CTNNA3: variants seen among roughly 807,000 people sequenced by gnomAD.
CTNNA3 encodes the protein catenin alpha 3, also known as catenin alpha-3.
A neutral mutation model predicts 95.7 loss-of-function variants in CTNNA3; 76 were observed. That is an observed-to-expected ratio of 0.79 (90% confidence interval 0.66 to 0.96). The LOEUF is 0.96. Ranked by LOEUF, CTNNA3 falls within the 40% of genes least tolerant of loss-of-function variation. The probability of loss-of-function intolerance (pLI) is 0.00; values close to 1 mark genes in which losing one functional copy is unlikely to be tolerated. For synonymous variants in CTNNA3, 431 were observed against 374.4 expected, an observed-to-expected ratio of 1.15 and a Z score of -1.74; for missense variants, 1,191 against 1,089.8, an observed-to-expected ratio of 1.09 and a Z score of -1.31.
intron 13 of CTNNA3, among the ~76,000 whole-genome samples, chr10:66,110,847 CT>C (rs2082095848): frequency 6.6e-6 from 1 of 152,050 alleles, no homozygotes; most frequent in South Asian, 2.1e-4. Context: ...TTAAACAAAC[CT>C]AGATGGTATA....
chr10:67,440,124 C>T (rs937421674), intron 5 of CTNNA3, among the ~76,000 whole-genome samples: 5 of 152,120 alleles, frequency 3.3e-5, no homozygotes, highest in Admixed American at 1.3e-4. Context: ...AGGGTGACTT[C>T]CAGGCCTGGC....
intron 7 of CTNNA3, among the ~76,000 whole-genome samples, chr10:67,002,847 A>C (rs1429273561): frequency 6.6e-6 from 1 of 152,176 alleles, no homozygotes; most frequent in East Asian, 1.9e-4. Flanking sequence ...CATATAAATA[A>C]AAAACAATTT....
chr10:66,082,477 G>C (rs889329507), intron 14 of CTNNA3, among the ~76,000 whole-genome samples: 1 of 152,018 alleles, frequency 6.6e-6, no homozygotes, highest in Non-Finnish European at 1.5e-5. Flanking sequence ...ACTCTAGAGG[G>C]GACTAGGAGA....
rs576193755 is a variant in CTNNA3 at position 67,192,248 on chromosome 10, ATCT to A, written c.844-11731_844-11729del. 2.5e-4 allele frequency among the ~76,000 whole-genome samples: 38 copies of A among 152,100 alleles called. No homozygotes were observed. The South Asian group carries it at 5.2e-3, about 21-fold the overall frequency. On this transcript the variant is annotated intron_variant, in intron 6 of 17. Transcript: ENST00000433211. ...GATTTAAGTGGGACTACTTATAAAA[ATCT>A]TCTTCTTCTGCAAAAAATCTTCTGC...
chr10:66,503,430 C>G (rs113075470), intron 11 of CTNNA3, among the ~76,000 whole-genome samples: 1 of 151,938 alleles, frequency 6.6e-6, no homozygotes, highest in African/African-American at 2.4e-5. Context: ...TAGGAAATGA[C>G]AGAATTATCT....
chr10:67,199,802 T>C (rs986478540), intron 6 of CTNNA3, among the ~76,000 whole-genome samples: 1 of 152,162 alleles, frequency 6.6e-6, no homozygotes, highest in African/African-American at 2.4e-5. Flanking sequence ...AACTAGACTA[T>C]TTTTCAAGTA....
chr10:66,072,796 T>A (rs2080468809), intron 14 of CTNNA3, among the ~76,000 whole-genome samples: 1 of 152,176 alleles, frequency 6.6e-6, no homozygotes, highest in African/African-American at 2.4e-5. Context: ...CTGACCCTTT[T>A]AACTTTCTTC....
chr10:66,064,950 A>G (rs992633066), intron 15 of CTNNA3, among the ~76,000 whole-genome samples: 1 of 152,178 alleles, frequency 6.6e-6, no homozygotes, highest in South Asian at 2.1e-4. Flanking sequence ...ATGCTGTTAT[A>G]AATTCTGGGT....
intron 1 of CTNNA3, among the ~76,000 whole-genome samples, chr10:67,665,069 CATT>C (rs574952403): frequency 5.3e-5 from 8 of 152,296 alleles, no homozygotes; most frequent in African/African-American, 1.7e-4. Context: ...GTTACTCAAT[CATT>C]ATAGTAATAG....
intron 15 of CTNNA3, among the ~76,000 whole-genome samples, chr10:65,997,385 G>T (rs1447965845): frequency 6.6e-6 from 1 of 152,146 alleles, no homozygotes; most frequent in Non-Finnish European, 1.5e-5. Flanking sequence ...AAAATCTGGT[G>T]CTGCACACTG....
intron 7 of CTNNA3, among the ~76,000 whole-genome samples, chr10:66,912,415 T>C (rs182474693): frequency 2.0e-5 from 3 of 152,306 alleles, no homozygotes; most frequent in African/African-American, 7.2e-5. Flanking sequence ...TTGTTTCTTT[T>C]AAAAGTTTAC....
intron 5 of CTNNA3, among the ~76,000 whole-genome samples, chr10:67,339,031 T>C (rs1842088135): frequency 6.6e-6 from 1 of 152,176 alleles, no homozygotes; most frequent in Admixed American, 6.6e-5. Flanking sequence ...TTGACCAATA[T>C]TTCTCTTCTA....
intron 7 of CTNNA3, among the ~76,000 whole-genome samples, chr10:67,102,508 G>A (rs946568527): frequency 4.6e-5 from 7 of 151,658 alleles, no homozygotes; most frequent in Non-Finnish European, 1.0e-4. Flanking sequence ...ATTCTATGAA[G>A]GACAGTGATC....
intron 12 of CTNNA3, among the ~76,000 whole-genome samples, chr10:66,338,955 T>A (rs1393233302): frequency 6.6e-6 from 1 of 151,868 alleles, no homozygotes; most frequent in Non-Finnish European, 1.5e-5. Context: ...CTAAATTCTT[T>A]AAGAAAAATA....
chr10:67,149,712 A>G (rs913724132), intron 7 of CTNNA3, among the ~76,000 whole-genome samples: 3 of 152,222 alleles, frequency 2.0e-5, no homozygotes, highest in Admixed American at 2.0e-4. Flanking sequence ...GCTAGAGTCT[A>G]GAAGTTCTCT....
chr10:66,024,835 G>A (rs1328042330), intron 15 of CTNNA3, among the ~76,000 whole-genome samples: 1 of 152,184 alleles, frequency 6.6e-6, no homozygotes, highest in Non-Finnish European at 1.5e-5. Context: ...TTAAGAATCA[G>A]TGATACAGAG....
intron 7 of CTNNA3, among the ~76,000 whole-genome samples, chr10:66,948,742 T>G (rs1848396547): frequency 6.6e-6 from 1 of 152,170 alleles, no homozygotes; most frequent in Admixed American, 6.5e-5. Flanking sequence ...TAACAATCTG[T>G]TATTTGCTCC....
intron 2 of CTNNA3, among the ~76,000 whole-genome samples, chr10:67,626,816 C>A (rs1000237265): frequency 3.1e-4 from 47 of 152,210 alleles, no homozygotes; most frequent in African/African-American, 1.1e-3. Flanking sequence ...TGCATATTAT[C>A]TACATGATAT....
chr10:66,767,887 C>T lies in CTNNA3; in HGVS notation c.1129-1471G>A, dbSNP rs113265076. Among the ~76,000 whole-genome samples, 521 of 152,180 alleles carry T rather than the reference C, an allele frequency of 3.4e-3. 2 individuals carry two copies. Among genetic ancestry groups the T allele is most frequent in the African/African-American group, 0.012 (495 of 41,516 alleles). On this transcript the variant is annotated intron_variant, in intron 8 of 17. Coordinates refer to ENST00000433211, the MANE Select transcript of CTNNA3 (RefSeq NM_013266.4). ...ATTTAAGAAAGGCTTCAGGAAGATC[C>T]CCAAGGAAGGATTCTGCTTAGTATG...
Sources: allele counts gnomAD v4.1 joint callset (sites outside exome capture counted in the v4.1 genomes callset), GRCh38; gene constraint gnomAD v4.1.1; transcripts MANE v1.5; gene names NCBI Gene and HGNC (gene_info 2026-07-23, HGNC 2026-07-21).